The following SOX6 variants were observed in gnomAD, a reference collection of about 807,000 sequenced individuals.
The protein encoded by SOX6 is transcription factor SOX-6.
A neutral mutation model predicts 97.8 loss-of-function variants in SOX6; 11 were observed. The observed-to-expected ratio is 0.11, with a 90% confidence interval of 0.07 to 0.19. The LOEUF (loss-of-function observed/expected upper bound fraction) is 0.19. Ranked by LOEUF, SOX6 falls within the 10% of genes least tolerant of loss-of-function variation. The probability of loss-of-function intolerance (pLI) is 1.00; values close to 1 mark genes in which losing one functional copy is unlikely to be tolerated. For synonymous variants in SOX6, 360 were observed against 371.4 expected, an observed-to-expected ratio of 0.97 and a Z score of 0.35; for missense variants, 810 against 1,039.5, an observed-to-expected ratio of 0.78 and a Z score of 3.04.
At chr11:16,556,293 C>A (rs1232042548) in intron 4 of SOX6, among the ~76,000 whole-genome samples, 1 of 151,652 alleles carries the variant, frequency 6.6e-6, no homozygotes, top group Non-Finnish European at 1.5e-5. Context: ...TCAGTAAAAT[C>A]TGAATAAAAT....
chr11:16,142,452 G>A (rs755876468), intron 6 of SOX6, among the ~76,000 whole-genome samples: 2 of 152,150 alleles, frequency 1.3e-5, no homozygotes, highest in African/African-American at 4.8e-5. Context: ...CACCTCTCCT[G>A]CTCCAAAGGA....
chr11:16,211,840 A>T (rs773113817), intron 4 of SOX6, among the ~76,000 whole-genome samples: 11 of 152,168 alleles, frequency 7.2e-5, no homozygotes, highest in Non-Finnish European at 1.5e-4. Context: ...ATTAAGAGAG[A>T]AGCAAATGGA....
intron 4 of SOX6, among the ~76,000 whole-genome samples, chr11:16,603,806 A>T (rs1848299712): frequency 6.6e-6 from 1 of 152,082 alleles, no homozygotes; most frequent in Non-Finnish European, 1.5e-5. Flanking sequence ...ATAAAATAGG[A>T]AGAGAAGAAA....
At chr11:16,641,518 T>C (rs183552354) in intron 3 of SOX6, among the ~76,000 whole-genome samples, 24,914 of 150,064 alleles carry the variant, frequency 0.17, 2,674 homozygotes, top group East Asian at 0.32. Flanking sequence ...TTAAAGTCTC[T>C]CGTTATTATT....
chr11:16,621,429 A>G (rs1370199443), intron 3 of SOX6, among the ~76,000 whole-genome samples: 3 of 152,208 alleles, frequency 2.0e-5, no homozygotes, highest in Non-Finnish European at 4.4e-5. Context: ...AATTGCATGG[A>G]ATACATTGAC....
At chr11:16,091,449 G>A (rs925370336) in intron 9 of SOX6, among the ~76,000 whole-genome samples, 9 of 151,982 alleles carry the variant, frequency 5.9e-5, no homozygotes, top group Non-Finnish European at 1.3e-4. Flanking sequence ...TTGCAAATAA[G>A]AAGACAGGGT....
intron 4 of SOX6, among the ~76,000 whole-genome samples, chr11:16,539,427 A>G (rs1861366417): frequency 6.6e-6 from 1 of 152,180 alleles, no homozygotes; most frequent in Non-Finnish European, 1.5e-5. Context: ...AGCAAGAACA[A>G]ATAAATTCAA....
intron 2 of SOX6, among the ~76,000 whole-genome samples, chr11:16,715,948 T>A (rs1848216810): frequency 6.6e-6 from 1 of 152,050 alleles, no homozygotes; most frequent in Non-Finnish European, 1.5e-5. Flanking sequence ...AAATAAGCAT[T>A]AGAGGCCAGA....
intron 3 of SOX6, among the ~76,000 whole-genome samples, chr11:16,241,838 G>T (rs1050948907): frequency 2.0e-5 from 3 of 151,976 alleles, no homozygotes; most frequent in Non-Finnish European, 4.4e-5. Context: ...AAAATAGAAA[G>T]AAAAGCAGAA....
intron 1 of SOX6, among the ~76,000 whole-genome samples, chr11:16,461,282 C>T (rs184447239): frequency 5.0e-4 from 76 of 152,080 alleles, no homozygotes; most frequent in Non-Finnish European, 4.4e-5. Flanking sequence ...TGAAATTTTG[C>T]AGTAGTCCTC....
At chr11:16,318,351 T>C in intron 3 of SOX6, 95 bp downstream of exon 3, 3 of 1,363,848 alleles carry the variant, frequency 2.2e-6, no homozygotes, top group Non-Finnish European at 3.1e-6. Context: ...ATTATGCACT[T>C]CTCTGACCCT....
chr11:16,367,770 C>T (rs1857394582), intron 1 of SOX6, among the ~76,000 whole-genome samples: 1 of 152,042 alleles, frequency 6.6e-6, no homozygotes. Context: ...GACTAAACAC[C>T]AATATTAGCA....
intron 4 of SOX6, among the ~76,000 whole-genome samples, chr11:16,493,182 CTG>C (rs1192728467): frequency 6.6e-6 from 1 of 152,148 alleles, no homozygotes; most frequent in African/African-American, 2.4e-5. Context: ...TAGTCCCAAA[CTG>C]GAAATGTCTG....
At chr11:16,190,336 C>G (rs1350885765) in intron 4 of SOX6, among the ~76,000 whole-genome samples, 1 of 152,180 alleles carries the variant, frequency 6.6e-6, no homozygotes, top group Non-Finnish European at 1.5e-5. Context: ...TCAACCCCCG[C>G]TATCTATAGG....
rs117765264 is a variant in SOX6, at chr11:16,051,523, T to C, written c.1252-1585A>G. On this transcript the variant is annotated intron_variant, in intron 10 of 15. Transcript: ENST00000683767. The stretch of plus-strand genomic sequence containing the variant: ...ATGTACGTTTATGTATATTTATACA[T>C]AGGACAGGTTCTCAAGCAACATGGT... Among the ~76,000 whole-genome samples, 137 of 152,284 alleles carry C rather than the reference T, an allele frequency of 9.0e-4. 2 individuals are homozygous for C. In the East Asian group the frequency reaches 0.02, roughly 22 times the overall value.
At chr11:15,983,278 C>A (rs1003147435) in intron 15 of SOX6, among the ~76,000 whole-genome samples, 1 of 151,940 alleles carries the variant, frequency 6.6e-6, no homozygotes, top group African/African-American at 2.4e-5. Flanking sequence ...ACTTACTCTG[C>A]GAACTGAAGA....
At chr11:16,166,378 G>C (rs1589989775) in intron 6 of SOX6, among the ~76,000 whole-genome samples, 1 of 152,258 alleles carries the variant, frequency 6.6e-6, no homozygotes, top group Non-Finnish European at 1.5e-5. Context: ...TCATATGTGT[G>C]CTTCTGCAAT....
At chr11:16,428,158 C>G (rs1356428526) in intron 1 of SOX6, among the ~76,000 whole-genome samples, 2 of 152,042 alleles carry the variant, frequency 1.3e-5, no homozygotes, top group Admixed American at 1.3e-4. Flanking sequence ...ATATCCTTCG[C>G]CCACTTTTTG....
At chr11:16,541,104 G>A (rs1590238541) in intron 4 of SOX6, among the ~76,000 whole-genome samples, 1 of 152,188 alleles carries the variant, frequency 6.6e-6, no homozygotes, top group Admixed American at 6.5e-5. Flanking sequence ...AAACAGCATG[G>A]TACTGGTACC....
Sources: allele counts gnomAD v4.1 joint callset (sites outside exome capture counted in the v4.1 genomes callset), GRCh38; gene constraint gnomAD v4.1.1; transcripts MANE v1.5; gene names NCBI Gene and HGNC (gene_info 2026-07-23, HGNC 2026-07-21).